Variants in CELF4 observed in about 807,000 individuals in gnomAD.
CELF4 encodes CUGBP Elav-like family member 4.
In CELF4, 18 loss-of-function variants were observed where a neutral mutation model predicts 59.9. The ratio of observed to expected loss-of-function variants is 0.30; its 90% CI spans 0.21 to 0.45. The LOEUF (loss-of-function observed/expected upper bound fraction) is 0.45, where lower values mean the gene tolerates loss of function less well. Among genes scored for constraint, CELF4 ranks in the 20% least tolerant of loss-of-function variants. The probability of loss-of-function intolerance (pLI) is 1.00; values close to 1 mark genes in which losing one functional copy is unlikely to be tolerated. For missense variants in CELF4, 456 were observed against 689.0 expected, an observed-to-expected ratio of 0.66 and a Z score of 3.79; for synonymous variants, 261 against 267.1, an observed-to-expected ratio of 0.98 and a Z score of 0.22.
chr18:37,270,739 C>G, intron 8 of CELF4, 29 bp downstream of exon 8: 2 of 1,612,844 alleles, frequency 1.2e-6, no homozygotes, highest in Non-Finnish European at 1.7e-6. Flanking sequence ...GTGCTGCATA[C>G]GGAAATAAGT....
At position 37,565,740 on chromosome 18, in the gene CELF4, CGG is replaced by C; in HGVS notation, c.-101_-100del. On this transcript the variant is annotated 5_prime_UTR_variant, in exon 1 of 13. Transcript: ENST00000420428. Reference sequence around the variant, plus strand: ...ACACACGCACACGCATACACACACTCGGGTTCTCTCCCCCTCGGTTTCTCTAC... The same window carrying C: ...ACACACGCACACGCATACACACACTCGTTCTCTCCCCCTCGGTTTCTCTAC... The C allele has an allele frequency of 1.0e-6, 1 of 982,500 alleles. No individual in the cohort carries two copies. The highest frequency in any genetic ancestry group is 2.8e-5 in the East Asian group (1 of 35,208). The allele number at this position is 982,500 out of a possible 1,614,324, so 60.9% of individuals were successfully genotyped here.
intron 1 of CELF4, among the ~76,000 whole-genome samples, chr18:37,497,668 A>T (rs1279275082): frequency 6.7e-6 from 1 of 149,024 alleles, no homozygotes; most frequent in Non-Finnish European, 1.5e-5. Context: ...AAAAAAAAAG[A>T]AAAAAGAAAG....
intron 2 of CELF4, among the ~76,000 whole-genome samples, chr18:37,366,760 C>T (rs1342324502): frequency 2.0e-5 from 3 of 152,132 alleles, no homozygotes; most frequent in Non-Finnish European, 4.4e-5. Context: ...GGTCACAGAA[C>T]ACCTGGATTT....
chr18:37,355,597 C>T (rs145838864), intron 2 of CELF4, among the ~76,000 whole-genome samples: 2,839 of 151,724 alleles, frequency 0.019, 34 homozygotes, highest in Non-Finnish European at 0.031. Context: ...CGCTTGAACC[C>T]GGGAAGCAGA....
intron 2 of CELF4, among the ~76,000 whole-genome samples, chr18:37,378,329 AC>A (rs2098996052): frequency 6.6e-6 from 1 of 151,954 alleles, no homozygotes; most frequent in Non-Finnish European, 1.5e-5. Context: ...GGGCTGGGCC[AC>A]CCCCACAGAA....
At chr18:37,495,009 C>T (rs2099923544) in intron 1 of CELF4, among the ~76,000 whole-genome samples, 1 of 152,168 alleles carries the variant, frequency 6.6e-6, no homozygotes. Flanking sequence ...GCCATGGGCT[C>T]CTCTGCAGAG....
chr18:37,451,143 A>G (rs985867394), intron 2 of CELF4, among the ~76,000 whole-genome samples: 1 of 152,208 alleles, frequency 6.6e-6, no homozygotes, highest in African/African-American at 2.4e-5. Context: ...CCCCCGTCCC[A>G]CTGCAGAGGA....
At chr18:37,538,228 A>G (rs145716798) in intron 1 of CELF4, among the ~76,000 whole-genome samples, 7 of 152,084 alleles carry the variant, frequency 4.6e-5, no homozygotes, top group African/African-American at 1.4e-4. Context: ...GTGCCTAGGG[A>G]TGCATTCCTT....
At chr18:37,416,196 G>A (rs5004987) in intron 2 of CELF4, among the ~76,000 whole-genome samples, 32 of 56,584 alleles carry the variant, frequency 5.7e-4, no homozygotes, top group African/African-American at 1.4e-3. Context: ...CCATCCATCC[G>A]TCCATCCATC....
chr18:37,361,147 A>G (rs1416116386), intron 2 of CELF4, among the ~76,000 whole-genome samples: 1 of 152,196 alleles, frequency 6.6e-6, no homozygotes, highest in Non-Finnish European at 1.5e-5. Context: ...TCATTTGTAC[A>G]GGTACTTTAG....
chr18:37,315,405 C>G (rs1216197394), intron 3 of CELF4, among the ~76,000 whole-genome samples: 1 of 152,160 alleles, frequency 6.6e-6, no homozygotes, highest in Non-Finnish European at 1.5e-5. Context: ...TTCATGGTTT[C>G]TAACTTCTCC....
intron 11 of CELF4, among the ~76,000 whole-genome samples, chr18:37,257,297 A>G (rs2070452737): frequency 6.6e-6 from 1 of 152,172 alleles, no homozygotes; most frequent in African/African-American, 2.4e-5. Flanking sequence ...CGCTCTTCTC[A>G]TTTATGTAAC....
chr18:37,511,553 C>T (rs1603643071), intron 1 of CELF4, among the ~76,000 whole-genome samples: 1 of 151,794 alleles, frequency 6.6e-6, no homozygotes. Flanking sequence ...CATACCCATT[C>T]GACACACTCC....
chr18:37,441,927 C>T (rs190343174), intron 2 of CELF4, among the ~76,000 whole-genome samples: 15 of 151,924 alleles, frequency 9.9e-5, no homozygotes, highest in Admixed American at 8.5e-4. Context: ...GGTGCGTCAC[C>T]GAAACCGCAA....
At chr18:37,336,861 G>A (rs987880319) in intron 2 of CELF4, among the ~76,000 whole-genome samples, 2 of 152,216 alleles carry the variant, frequency 1.3e-5, no homozygotes, top group African/African-American at 4.8e-5. Context: ...CGCTGGCCCT[G>A]GGGTGCCCTT....
chr18:37,357,430 C>T (rs546719440), intron 2 of CELF4, among the ~76,000 whole-genome samples: 35 of 152,288 alleles, frequency 2.3e-4, no homozygotes, highest in Non-Finnish European at 2.9e-5. Context: ...GAAACCTCTG[C>T]CTAGATTTCA....
chr18:37,281,968 C>T (rs1482130311), intron 3 of CELF4, among the ~76,000 whole-genome samples: 1 of 152,176 alleles, frequency 6.6e-6, no homozygotes, highest in East Asian at 1.9e-4. Flanking sequence ...AACAGGAGGG[C>T]CAGGCCAATG....
At chr18:37,512,202 T>C (rs961762202) in intron 1 of CELF4, among the ~76,000 whole-genome samples, 1 of 152,168 alleles carries the variant, frequency 6.6e-6, no homozygotes, top group Non-Finnish European at 1.5e-5. Flanking sequence ...TTCAAGTCAC[T>C]CTTCAGCCAC....
intron 1 of CELF4, among the ~76,000 whole-genome samples, chr18:37,548,594 G>C (rs926433098): frequency 2.0e-5 from 3 of 152,150 alleles, no homozygotes; most frequent in Non-Finnish European, 1.5e-5. Flanking sequence ...GAGCTGATAG[G>C]GGTGCTGATA....
Sources: allele counts gnomAD v4.1 joint callset (sites outside exome capture counted in the v4.1 genomes callset), GRCh38; gene constraint gnomAD v4.1.1; transcripts MANE v1.5; gene names NCBI Gene and HGNC (gene_info 2026-07-23, HGNC 2026-07-21).